ADGRL3: variants seen among roughly 807,000 people sequenced by gnomAD.
The protein encoded by ADGRL3 is adhesion G protein-coupled receptor L3.
ADGRL3 carries 62 observed loss-of-function variants against 153.5 expected under a neutral mutation model. The observed-to-expected ratio is 0.40, with a 90% confidence interval of 0.33 to 0.50. The LOEUF is 0.50. ADGRL3 is among the 20% of genes least tolerant of loss of function. The pLI is 0.47. For synonymous variants in ADGRL3, 710 were observed against 672.5 expected, an observed-to-expected ratio of 1.06 and a Z score of -0.86; for missense variants, 1,641 against 1,859.4, an observed-to-expected ratio of 0.88 and a Z score of 2.16.
intron 6 of ADGRL3, among the ~76,000 whole-genome samples, chr4:61,687,551 G>A (rs2095469007): frequency 6.6e-6 from 1 of 151,718 alleles, no homozygotes; most frequent in Admixed American, 6.6e-5. Context: ...CATGGACTAG[G>A]GAAGGGTGGG....
Position 61,587,372 on chromosome 4 carries a change from C to T in ADGRL3, c.405C>T (p.Asp135=), listed in dbSNP as rs2098950526. The change falls in exon 5 of 27, where the codon GAC becomes GAT. Residue 135 remains aspartate (D), a synonymous_variant. Transcript: ENST00000683033. ...GCAGGACTGATGACAAAATTTGTGA[C>T]TCTGACCCTGCTCAGATGGAGAATA... ...NYGRTDDKIC[D]SDPAQMENIR... is the part of the protein sequence containing the mutation. 1.9e-6 allele frequency: 3 copies of T among 1,612,456 alleles called. No homozygotes were observed. The highest frequency in any genetic ancestry group is 1.7e-5 in the Admixed American group (1 of 59,820).
intron 4 of ADGRL3, among the ~76,000 whole-genome samples, chr4:61,571,461 T>C (rs1029726050): frequency 1.3e-5 from 2 of 152,092 alleles, no homozygotes; most frequent in African/African-American, 4.8e-5. Flanking sequence ...TGCAGTGAGC[T>C]ATGATTGCAC....
chr4:61,776,060 C>T (rs1163411575), intron 8 of ADGRL3, among the ~76,000 whole-genome samples: 1 of 152,060 alleles, frequency 6.6e-6, no homozygotes, highest in Admixed American at 6.5e-5. Flanking sequence ...GCCACCACAC[C>T]CGGCTAATTT....
chr4:61,564,384 C>G lies in ADGRL3; in HGVS notation c.260-22843C>G, dbSNP rs922276286. 5.9e-5 allele frequency among the ~76,000 whole-genome samples: 9 copies of G among 152,078 alleles called. No homozygotes were observed. In the East Asian group the frequency reaches 1.7e-3, roughly 29 times the overall value. The stretch of plus-strand genomic sequence containing the variant: ...CGAATTTCCAGACTCAAGAGATCCT[C>G]CCACCTCAGCCTCCTTAGTAGCTGG... On this transcript the variant is annotated intron_variant, in intron 4 of 26. Transcript: ENST00000683033.
intron 15 of ADGRL3, among the ~76,000 whole-genome samples, chr4:61,937,903 A>C (rs1289343729): frequency 6.6e-6 from 1 of 152,150 alleles, no homozygotes. Context: ...ATTAACATAT[A>C]GTTTTTCTGT....
In ADGRL3 at chr4:61,241,273, A is replaced by G. The variant is rs1754839789; in HGVS notation, c.-240+39508A>G. On this transcript the variant is annotated intron_variant, in intron 1 of 26. Coordinates refer to ENST00000683033, the MANE Select transcript of ADGRL3 (RefSeq NM_001387552.1). Reference sequence around the variant, plus strand: ...ATAGGATGATTTGATAAAGGTAACGAAGGTGTTTGTGATAGTTTTCGTGAG... The same window carrying G: ...ATAGGATGATTTGATAAAGGTAACGGAGGTGTTTGTGATAGTTTTCGTGAG... Among the ~76,000 whole-genome samples the G allele has an allele frequency of 2.0e-5, 3 of 152,116 alleles. No homozygotes were observed. The South Asian group carries it at 6.2e-4, about 32-fold the overall frequency.
intron 21 of ADGRL3, among the ~76,000 whole-genome samples, chr4:62,018,441 A>G (rs912270147): frequency 6.6e-6 from 1 of 152,146 alleles, no homozygotes; most frequent in African/African-American, 2.4e-5. Flanking sequence ...ACAGATTTAG[A>G]GGAGAAAAGA....
intron 1 of ADGRL3, among the ~76,000 whole-genome samples, chr4:61,224,797 C>T (rs1168804306): frequency 2.0e-5 from 3 of 152,164 alleles, no homozygotes; most frequent in South Asian, 2.1e-4. Context: ...CTCCAAGTGT[C>T]GGCAGACACC....
intron 17 of ADGRL3, among the ~76,000 whole-genome samples, chr4:61,958,596 G>A (rs1581636294): frequency 6.6e-6 from 1 of 152,058 alleles, no homozygotes; most frequent in South Asian, 2.1e-4. Context: ...GAAGGTGAAG[G>A]GGAAGCAGGC....
At position 61,404,909 on chromosome 4, in the gene ADGRL3, C is replaced by A. The variant is rs190998186; in HGVS notation, c.-174+21720C>A. Reference sequence around the variant, plus strand: ...GTATCCTCATATTGCAGAGGAATATCTAACAATGTTTAAAATGCACATAAG... The same window carrying A: ...GTATCCTCATATTGCAGAGGAATATATAACAATGTTTAAAATGCACATAAG... On this transcript the variant is annotated intron_variant, in intron 2 of 26. Transcript: ENST00000683033. 3.9e-5 allele frequency among the ~76,000 whole-genome samples: 6 copies of A among 152,038 alleles called. No homozygotes were observed. The East Asian group carries it at 9.7e-4, about 25-fold the overall frequency.
intron 5 of ADGRL3, among the ~76,000 whole-genome samples, chr4:61,666,449 C>T (rs2094797315): frequency 6.6e-6 from 1 of 151,068 alleles, no homozygotes; most frequent in South Asian, 2.1e-4. Flanking sequence ...TGTCTCAGCC[C>T]AGTCATGCGG....
chr4:61,946,876 A>G, intron 15 of ADGRL3, 38 bp from the exon 16 acceptor site: 1 of 1,469,000 alleles, frequency 6.8e-7, no homozygotes, highest in East Asian at 2.3e-5. Flanking sequence ...TAATTTAAGT[A>G]GAGTGGACAA....
At chr4:61,893,558 C>T (rs2098604758) in intron 10 of ADGRL3, among the ~76,000 whole-genome samples, 1 of 152,098 alleles carries the variant, frequency 6.6e-6, no homozygotes, top group Non-Finnish European at 1.5e-5. Flanking sequence ...TTTTCATCAG[C>T]CATTGTAGTT....
chr4:61,220,334 G>A (rs1044880964), intron 1 of ADGRL3, among the ~76,000 whole-genome samples: 3 of 152,094 alleles, frequency 2.0e-5, no homozygotes, highest in African/African-American at 7.2e-5. Context: ...TTTGTCTCAT[G>A]ATACTTAGTG....
At position 61,559,130 on chromosome 4, in the gene ADGRL3, A is replaced by G. The variant is rs76022100; in HGVS notation, c.260-28097A>G. ...TATTTTTCTATTTAAAGAAGAAATG[A>G]GACAGTTTATAGAATAAATTTAATA... On this transcript the variant is annotated intron_variant, in intron 4 of 26. Transcript: ENST00000683033. 5.0e-3 allele frequency among the ~76,000 whole-genome samples: 754 copies of G among 152,218 alleles called. 10 individuals carry two copies. The highest frequency in any genetic ancestry group is 0.016 in the African/African-American group (682 of 41,564).
At chr4:61,997,245 A>AG (rs1396313609) in intron 20 of ADGRL3, among the ~76,000 whole-genome samples, 65 of 150,802 alleles carry the variant, frequency 4.3e-4, no homozygotes, top group African/African-American at 1.6e-3. Flanking sequence ...GTATTTCAAC[A>AG]GAAAAAAAAA....
intron 1 of ADGRL3, among the ~76,000 whole-genome samples, chr4:61,264,935 A>G (rs1465701376): frequency 6.6e-6 from 1 of 151,978 alleles, no homozygotes; most frequent in Non-Finnish European, 1.5e-5. Context: ...CATGTATGTC[A>G]GTAAAAGGCA....
At chr4:61,432,810 C>G (rs572049312) in intron 2 of ADGRL3, among the ~76,000 whole-genome samples, 7 of 151,558 alleles carry the variant, frequency 4.6e-5, no homozygotes, top group Non-Finnish European at 8.8e-5. Context: ...TGAGCCACCA[C>G]GCCTGGCTAA....
chr4:61,777,246 T>G (rs2097162820), intron 8 of ADGRL3, among the ~76,000 whole-genome samples: 1 of 151,694 alleles, frequency 6.6e-6, no homozygotes, highest in Non-Finnish European at 1.5e-5. Context: ...GGCAGGAGAA[T>G]GGCCTGAACC....
Sources: gnomAD v4.1 joint callset for allele counts (sites outside exome capture counted in the v4.1 genomes callset) on GRCh38, gnomAD v4.1.1 for gene constraint, MANE v1.5 for transcripts, NCBI Gene and HGNC (gene_info 2026-07-23, HGNC 2026-07-21) for gene names.